Variants in VSNL1 observed in about 807,000 individuals in gnomAD.
The protein encoded by VSNL1 is visinin like 1.
In VSNL1, 6 loss-of-function variants were observed where a neutral mutation model predicts 20.4. The observed-to-expected ratio is 0.29, with a 90% CI of 0.16 to 0.58. The LOEUF is 0.58. Among genes scored for constraint, VSNL1 ranks in the 20% least tolerant of loss-of-function variants. The pLI is 0.90. For missense variants in VSNL1, 100 were observed against 234.5 expected (o/e 0.43, Z 3.75); for synonymous variants, 93 against 86.4 (o/e 1.08, Z -0.42).
In VSNL1 at chr2:17,649,613, G is replaced by A; in HGVS notation, c.366G>A (p.Leu122=). The A allele has an allele frequency of 6.2e-7, 1 of 1,614,126 alleles. No individual in the cohort carries two copies. Among genetic ancestry groups the A allele is most frequent in the Non-Finnish European group, 8.5e-7 (1 of 1,180,022 alleles). ...GCAAGATCACCCGAGTGGAGATGCT[G>A]GAGATCATCGAGGTGAGGCCCGGGG... The part of the protein sequence containing the change: ...GDGKITRVEM[L]EIIEAIYKMV... The change falls in exon 3 of 4, where the codon CTG becomes CTA. Residue 122 remains leucine (L), a synonymous_variant. Coordinates refer to ENST00000295156, the MANE Select transcript of VSNL1 (RefSeq NM_003385.5). The surrounding 1 kb of genome is among the most constrained non-coding windows in gnomAD (Gnocchi z 6.4).
intron 1 of VSNL1, among the ~76,000 whole-genome samples, chr2:17,559,294 A>C (rs1371597609): frequency 6.6e-6 from 1 of 152,118 alleles, no homozygotes; most frequent in Non-Finnish European, 1.5e-5. Context: ...AGAGGAAAAT[A>C]GTCTTGGAGA....
intron 1 of VSNL1, among the ~76,000 whole-genome samples, chr2:17,557,022 C>T (rs1233419669): frequency 6.6e-6 from 1 of 150,950 alleles, no homozygotes; most frequent in Non-Finnish European, 1.5e-5. Flanking sequence ...GAAGAGATGG[C>T]TTTTTTTTTA....
chr2:17,567,113 T>A (rs1351288089), intron 1 of VSNL1, among the ~76,000 whole-genome samples: 1 of 152,162 alleles, frequency 6.6e-6, no homozygotes, highest in Non-Finnish European at 1.5e-5. Context: ...TTGGTTAAAC[T>A]TCATAAAAAA....
At chr2:17,625,178 G>A (rs1365542372) in intron 2 of VSNL1, among the ~76,000 whole-genome samples, 1 of 152,088 alleles carries the variant, frequency 6.6e-6, no homozygotes, top group Non-Finnish European at 1.5e-5. Context: ...GTTCCTCCTT[G>A]CCTTCCACCA....
At chr2:17,576,884 A>G (rs1664227654) in intron 1 of VSNL1, among the ~76,000 whole-genome samples, 1 of 152,142 alleles carries the variant, frequency 6.6e-6, no homozygotes, top group South Asian at 2.1e-4. Flanking sequence ...TCTGTCTCTG[A>G]TGGTTTCCTT....
At chr2:17,596,489 G>A (rs1296541112) in intron 2 of VSNL1, among the ~76,000 whole-genome samples, 3 of 152,206 alleles carry the variant, frequency 2.0e-5, no homozygotes, top group Admixed American at 1.3e-4. Flanking sequence ...CCCAGGGGAA[G>A]AGCAAGCAAG....
At chr2:17,563,179 A>C (rs1423541297) in intron 1 of VSNL1, among the ~76,000 whole-genome samples, 1 of 152,260 alleles carries the variant, frequency 6.6e-6, no homozygotes, top group Non-Finnish European at 1.5e-5. Context: ...ACTTCATCCC[A>C]AAAATAAATC....
At chr2:17,587,394 C>CACACACACACAT (rs546861051) in intron 1 of VSNL1, among the ~76,000 whole-genome samples, 3 of 144,584 alleles carry the variant, frequency 2.1e-5, no homozygotes, top group East Asian at 4.5e-4. Context: ...CACACACACA[C>CACACACACACAT]ATATATTTTG....
chr2:17,641,422 G>C (rs955741930), intron 2 of VSNL1, among the ~76,000 whole-genome samples: 21 of 152,152 alleles, frequency 1.4e-4, no homozygotes, highest in Non-Finnish European at 2.4e-4. Flanking sequence ...TAGCAGACTG[G>C]CTCTAAATGG....
At chr2:17,571,975 G>A (rs1005694118) in intron 1 of VSNL1, among the ~76,000 whole-genome samples, 1 of 152,194 alleles carries the variant, frequency 6.6e-6, no homozygotes, top group Non-Finnish European at 1.5e-5. Flanking sequence ...AACTCAATAT[G>A]TTAGAGAAGA....
intron 1 of VSNL1, among the ~76,000 whole-genome samples, chr2:17,559,168 G>A (rs972589271): frequency 5.9e-5 from 9 of 152,146 alleles, no homozygotes; most frequent in African/African-American, 2.2e-4. Flanking sequence ...ACCCTTCCCT[G>A]TTAAGGACAC....
intron 1 of VSNL1, among the ~76,000 whole-genome samples, chr2:17,578,865 G>A (rs986809280): frequency 3.3e-5 from 5 of 152,250 alleles, no homozygotes; most frequent in Non-Finnish European, 7.3e-5. Flanking sequence ...GGACCTCACA[G>A]AAGAGGGTCA....
At chr2:17,590,140 T>C (rs577199779) in intron 1 of VSNL1, among the ~76,000 whole-genome samples, 132 of 152,278 alleles carry the variant, frequency 8.7e-4, no homozygotes, top group African/African-American at 2.9e-3. Context: ...GAGCAGGAGA[T>C]GAAATTTGTG....
intron 1 of VSNL1, among the ~76,000 whole-genome samples, chr2:17,588,137 C>G (rs1429249629): frequency 6.6e-6 from 1 of 152,130 alleles, no homozygotes; most frequent in Admixed American, 6.5e-5. Context: ...GCTTGAAATC[C>G]CAGCTTAAAA....
At chr2:17,650,427 C>T (rs570624827) in intron 3 of VSNL1, among the ~76,000 whole-genome samples, 70 of 152,372 alleles carry the variant, frequency 4.6e-4, no homozygotes, top group African/African-American at 1.6e-3. Flanking sequence ...TCTGCCCTCA[C>T]GGCTGCATGC....
intron 1 of VSNL1, among the ~76,000 whole-genome samples, chr2:17,569,745 C>T (rs1257432176): frequency 1.3e-5 from 2 of 152,142 alleles, no homozygotes; most frequent in African/African-American, 2.4e-5. Flanking sequence ...ATTCCATTAT[C>T]CCTCATAATT....
chr2:17,581,846 C>G (rs1288041772), intron 1 of VSNL1, among the ~76,000 whole-genome samples: 2 of 152,136 alleles, frequency 1.3e-5, no homozygotes, highest in Non-Finnish European at 2.9e-5. Context: ...ACAACATTTC[C>G]TGGGTATCTG....
rs1666232897 is a variant in VSNL1, at chr2:17,656,311, A to C, written c.*917A>C. ...TAATGACAACAAAAGGGAAAAAAGC[A>C]ACTTTCCAACTTTTCATCCAGGCTC... On this transcript the variant is annotated 3_prime_UTR_variant, in exon 4 of 4. Coordinates refer to ENST00000295156, the MANE Select transcript of VSNL1 (RefSeq NM_003385.5). 6.6e-6 allele frequency: 1 copy of C among 152,242 alleles called. No individual in the cohort carries two copies. Among genetic ancestry groups the C allele is most frequent in the Admixed American group, 6.5e-5 (1 of 15,284 alleles). 9.4% of individuals were successfully genotyped at this position (152,242 alleles called of 1,614,324 possible).
chr2:17,619,247 A>C (rs1350926866), intron 2 of VSNL1, among the ~76,000 whole-genome samples: 1 of 152,206 alleles, frequency 6.6e-6, no homozygotes, highest in African/African-American at 2.4e-5. Flanking sequence ...TGAATCCAGA[A>C]TCAGCATTCT....
Sources: allele counts gnomAD v4.1 joint callset (sites outside exome capture counted in the v4.1 genomes callset), GRCh38; gene constraint gnomAD v4.1.1; non-coding constraint Gnocchi (gnomAD v3.1); transcripts MANE v1.5; gene names NCBI Gene and HGNC (gene_info 2026-07-23, HGNC 2026-07-21).